TSKU: variants seen among roughly 807,000 people sequenced by gnomAD.
The protein encoded by TSKU is tsukushi, small leucine rich proteoglycan.
A neutral mutation model predicts 11.2 loss-of-function variants in TSKU; 4 were observed. That is an observed-to-expected ratio of 0.36 (90% CI 0.18 to 0.82). The LOEUF (loss-of-function observed/expected upper bound fraction) is 0.82, where lower values mean the gene tolerates loss of function less well. Among genes scored for constraint, TSKU ranks in the 40% least tolerant of loss-of-function variants. The pLI is 0.50. For missense variants in TSKU, 407 were observed against 482.5 expected, an observed-to-expected ratio of 0.84 and a Z score of 1.47; for synonymous variants, 220 against 232.2, an observed-to-expected ratio of 0.95 and a Z score of 0.48.
rs945571745 is a variant in TSKU at position 76,796,877 on chromosome 11, C to T, written c.*199C>T. ...GAGCAAAGTCTCACCCCTTTGTCTA[C>T]GTTGCTTCCCCAAACCATGAGCAGA... On this transcript the variant is annotated 3_prime_UTR_variant, in exon 2 of 2. Coordinates refer to ENST00000333090, the MANE Select transcript of TSKU (RefSeq NM_015516.4). The surrounding 1 kb of genome is among the most constrained non-coding windows in gnomAD (Gnocchi z 4.1). 4.6e-6 allele frequency: 2 copies of T among 430,434 alleles called. No individual in the cohort carries two copies. The highest frequency in any genetic ancestry group is 4.0e-5 in the Admixed American group (1 of 25,052). The allele number at this position is 430,434 out of a possible 1,614,324, so 26.7% of individuals were successfully genotyped here.
At chr11:76,787,421 T>C (rs1408758575) in intron 1 of TSKU, among the ~76,000 whole-genome samples, 2 of 152,230 alleles carry the variant, frequency 1.3e-5, no homozygotes, top group African/African-American at 4.8e-5. Flanking sequence ...GGCCAGGTAC[T>C]GGATGTCAGA....
rs146706346 is a variant in TSKU, at chr11:76,795,738, G to A, written c.122G>A (p.Arg41Gln). 78 of 1,614,170 alleles carry A rather than the reference G, an allele frequency of 4.8e-5. No homozygotes were observed. The South Asian group carries it at 5.7e-4, about 12-fold the overall frequency. The part of the protein sequence containing the change: ...FGLFDSFSLT[R>Q]VDCSGLGPHI... The stretch of plus-strand genomic sequence containing the variant: ...CTTTTCGACAGCTTCAGCCTGACTC[G>A]GGTGGATTGTAGCGGCCTGGGCCCC... Residue 41 changes from arginine to glutamine, a missense_variant, in exon 2 of 2, where the codon CGG becomes CAG. By Grantham distance (43) the Arg-to-Gln change is conservative. Coordinates refer to ENST00000333090, the MANE Select transcript of TSKU (RefSeq NM_015516.4).
intron 1 of TSKU, among the ~76,000 whole-genome samples, chr11:76,794,371 GA>G (rs1944414182): frequency 6.6e-6 from 1 of 152,206 alleles, no homozygotes; most frequent in African/African-American, 2.4e-5. Context: ...TGTACAGAGG[GA>G]ACTGAGATCT....
upstream of TSKU, chr11:76,783,200 CGA>C (rs2134378885): frequency 3.3e-5 from 5 of 151,516 alleles, 1 homozygote; most frequent in South Asian, 1.0e-3. Flanking sequence ...GGGCGCGCGC[CGA>C]GAGAGGCTGG....
At position 76,783,578 on chromosome 11, in the gene TSKU, G is replaced by A. The variant is rs377251311; in HGVS notation, c.-9+174G>A. Among the ~76,000 whole-genome samples the A allele has an allele frequency of 7.2e-5, 11 of 152,254 alleles. No individual in the cohort carries two copies. In the East Asian group the frequency reaches 1.6e-3, roughly 22 times the overall value. On this transcript the variant is annotated intron_variant, in intron 1 of 1. Transcript: ENST00000333090. ...TCGTCGGACGCCTAGGGCTGGGCGG[G>A]AGTGGGGAACGCCGACCCAGGGGAG...
At position 76,797,947 on chromosome 11, in the gene TSKU, G is replaced by T. The variant is rs983049809; in HGVS notation, c.*1269G>T. 1 of 167,090 alleles carries T rather than the reference G, an allele frequency of 6.0e-6. No homozygotes were observed. Among genetic ancestry groups the T allele is most frequent in the Admixed American group, 6.5e-5 (1 of 15,284 alleles). 10.4% of individuals were successfully genotyped at this position (167,090 alleles called of 1,614,324 possible). A position where few individuals can be genotyped will look rare whatever the true frequency, so the allele number is the denominator to read the frequency against. On this transcript the variant is annotated 3_prime_UTR_variant, in exon 2 of 2. Transcript: ENST00000333090. ...CATGTCATTTGTAAAAGCAGAAAAA[G>T]GTTGCATTTGTTCACTTTTGTAATA...
intron 1 of TSKU, among the ~76,000 whole-genome samples, chr11:76,786,654 G>A (rs912194323): frequency 1.3e-5 from 2 of 152,188 alleles, no homozygotes; most frequent in South Asian, 4.1e-4. Flanking sequence ...CCTGGACAGG[G>A]GGAGGTGACT....
chr11:76,784,542 C>G (rs146038355), intron 1 of TSKU, among the ~76,000 whole-genome samples: 1 of 152,332 alleles, frequency 6.6e-6, no homozygotes, highest in Non-Finnish European at 1.5e-5. Flanking sequence ...CGCGGTCACT[C>G]TGGCACGGAC....
chr11:76,795,694 C>T lies in TSKU; in HGVS notation c.78C>T (p.Cys26=), dbSNP rs7945821. 1,889 of 1,614,112 alleles carry T rather than the reference C, an allele frequency of 1.2e-3. 16 individuals carry two copies. In the African/African-American group the frequency reaches 0.022, roughly 18 times the overall value. Residue 26 remains cysteine (C), a synonymous_variant, in exon 2 of 2, where the codon TGC becomes TGT. Coordinates refer to ENST00000333090, the MANE Select transcript of TSKU (RefSeq NM_015516.4). ...TTRPCFPGCQ[C]EVETFGLFDS... ...GGCCATGCTTCCCCGGGTGCCAATG[C>T]GAGGTGGAGACCTTCGGCCTTTTCG...
Position 76,796,978 on chromosome 11 carries a change from A to C in TSKU, c.*300A>C. 62 of 229,510 alleles carry C rather than the reference A, an allele frequency of 2.7e-4. No individual in the cohort carries two copies. Among genetic ancestry groups the C allele is most frequent in the East Asian group, 6.7e-4 (7 of 10,414 alleles). 14.2% of individuals were successfully genotyped at this position (229,510 alleles called of 1,614,324 possible). A position where few individuals can be genotyped will look rare whatever the true frequency, so the allele number is the denominator to read the frequency against. ...ACTTATCCCCCAAGTGCCTTCCCTC[A>C]TGCCTGGGCCGGCCTGACCCGCAAT... On this transcript the variant is annotated 3_prime_UTR_variant, in exon 2 of 2. Transcript: ENST00000333090. This position sits in a 1 kb window ranked among gnomAD's most constrained non-coding sequence, Gnocchi z 4.1.
At chr11:76,788,582 G>T (rs1944334596) in intron 1 of TSKU, among the ~76,000 whole-genome samples, 2 of 152,214 alleles carry the variant, frequency 1.3e-5, no homozygotes, top group African/African-American at 4.8e-5. Flanking sequence ...CACACATTGA[G>T]TATTTGTGTA....
chr11:76,784,564 TC>T (rs1944288645), intron 1 of TSKU, among the ~76,000 whole-genome samples: 1 of 152,130 alleles, frequency 6.6e-6, no homozygotes, highest in South Asian at 2.1e-4. Flanking sequence ...GGGCGAGAAC[TC>T]CCTCGCGGCT....
intron 1 of TSKU, among the ~76,000 whole-genome samples, chr11:76,785,873 A>T (rs1266318374): frequency 6.6e-6 from 1 of 152,188 alleles, no homozygotes; most frequent in African/African-American, 2.4e-5. Flanking sequence ...CTCCCACCCC[A>T]TTGCTTCCTA....
At chr11:76,794,566 A>G (rs987874961) in intron 1 of TSKU, among the ~76,000 whole-genome samples, 1 of 152,202 alleles carries the variant, frequency 6.6e-6, no homozygotes, top group African/African-American at 2.4e-5. Context: ...GTAAGGCCCT[A>G]TTCCTCTCTG....
At chr11:76,784,886 G>A (rs1944296074) in intron 1 of TSKU, among the ~76,000 whole-genome samples, 1 of 152,182 alleles carries the variant, frequency 6.6e-6, no homozygotes, top group Non-Finnish European at 1.5e-5. Flanking sequence ...CAGACATGAT[G>A]GAAGGGCACA....
At chr11:76,790,857 A>G (rs913911884) in intron 1 of TSKU, among the ~76,000 whole-genome samples, 1 of 152,198 alleles carries the variant, frequency 6.6e-6, no homozygotes, top group Admixed American at 6.5e-5. Context: ...ACATGGAAGC[A>G]ACTTTGGACC....
At chr11:76,794,579 CCT>C (rs912315345) in intron 1 of TSKU, among the ~76,000 whole-genome samples, 2 of 152,244 alleles carry the variant, frequency 1.3e-5, no homozygotes, top group African/African-American at 2.4e-5. Context: ...CCTCTCTGAG[CCT>C]CTGTTTCTTC....
chr11:76,786,492 G>A (rs1350549158), intron 1 of TSKU, among the ~76,000 whole-genome samples: 1 of 152,218 alleles, frequency 6.6e-6, no homozygotes, highest in Non-Finnish European at 1.5e-5. Context: ...CAGGCCTCTA[G>A]ACTAGAAAGC....
intron 1 of TSKU, among the ~76,000 whole-genome samples, chr11:76,790,558 C>T (rs1282201481): frequency 6.6e-6 from 1 of 152,114 alleles, no homozygotes; most frequent in Non-Finnish European, 1.5e-5. Flanking sequence ...AATTGTATCT[C>T]CCAGAATTCC....
Sources: gnomAD v4.1 joint callset for allele counts (sites outside exome capture counted in the v4.1 genomes callset) on GRCh38, gnomAD v4.1.1 for gene constraint, Gnocchi (gnomAD v3.1) non-coding constraint, MANE v1.5 for transcripts, NCBI Gene and HGNC (gene_info 2026-07-23, HGNC 2026-07-21) for gene names.